LAMB4: variants seen among roughly 807,000 people sequenced by gnomAD.
The protein encoded by LAMB4 is laminin subunit beta-4.
LAMB4 carries 196 observed loss-of-function variants against 199.2 expected under a neutral mutation model. The observed-to-expected ratio is 0.98, with a 90% CI of 0.88 to 1.11. The LOEUF (loss-of-function observed/expected upper bound fraction) is 1.11, where lower values mean the gene tolerates loss of function less well. LAMB4 is among the 50% of genes least tolerant of loss of function. The pLI is 0.00. For synonymous variants in LAMB4, 744 were observed against 770.6 expected, an observed-to-expected ratio of 0.97 and a Z score of 0.57; for missense variants, 2,080 against 2,171.2, an observed-to-expected ratio of 0.96 and a Z score of 0.83.
intron 25 of LAMB4, among the ~76,000 whole-genome samples, chr7:108,055,187 GTT>G (rs371917253): frequency 0.021 from 2,936 of 138,444 alleles, 83 homozygotes; most frequent in African/African-American, 0.07. Flanking sequence ...ATTTCCAGCT[GTT>G]TTTTTTTTTT....
Position 108,111,931 on chromosome 7 carries a change from A to C in LAMB4, c.208T>G (p.Phe70Val), listed in dbSNP as rs1181962645. ...LSYLEGEQKC[F>V]ICDSRFPYDP... The stretch of plus-strand genomic sequence containing the variant: ...TATGGAAATCTAGAGTCACAGATGA[A>C]GCATTTTTGTTCCCCCTGGAAAACA... Residue 70 changes from phenylalanine to valine, a missense_variant, in exon 4 of 34, where the codon TTC becomes GTC. Transcript: ENST00000388781. 6.2e-7 allele frequency: 1 copy of C among 1,605,528 alleles called. No homozygotes were observed. The highest frequency in any genetic ancestry group is 1.1e-5 in the South Asian group (1 of 87,848).
intron 21 of LAMB4, 140 bp downstream of exon 21, chr7:108,065,622 G>T: frequency 1.8e-6 from 1 of 558,676 alleles, no homozygotes; most frequent in Non-Finnish European, 3.0e-6. Flanking sequence ...CAATAAAGCA[G>T]CTATTTATCA....
At chr7:108,026,801 C>G (rs900680498) in intron 33 of LAMB4, 6 of 462,136 alleles carry the variant, frequency 1.3e-5, no homozygotes, top group Non-Finnish European at 2.1e-5. Flanking sequence ...GCTCCTCTTC[C>G]TAACAGAGAG....
intron 4 of LAMB4, among the ~76,000 whole-genome samples, chr7:108,109,572 G>T (rs989268433): frequency 1.3e-5 from 2 of 152,184 alleles, no homozygotes; most frequent in Non-Finnish European, 2.9e-5. Context: ...TCATTTCCTT[G>T]TACTGAAATC....
Position 108,063,928 on chromosome 7 carries a change from G to T in LAMB4, c.2894C>A (p.Ala965Glu), listed in dbSNP as rs1391976893. ...GFYGNPRISG[A>E]PCQPCACNNN... ...GTTGCAGGCACATGGTTGGCAAGGTGCTCCTGAAATTCTTGGATTTCCATA... is the reference window on the plus strand; with the variant it reads ...GTTGCAGGCACATGGTTGGCAAGGTTCTCCTGAAATTCTTGGATTTCCATA... The change falls in exon 22 of 34, where the codon GCA becomes GAA. Residue 965 changes from alanine (A) to glutamate (E), a missense_variant. Coordinates refer to ENST00000388781, the MANE Select transcript of LAMB4 (RefSeq NM_007356.3). The T allele has an allele frequency of 6.2e-7, 1 of 1,614,150 alleles. No homozygotes were observed. Among genetic ancestry groups the T allele is most frequent in the East Asian group, 2.2e-5 (1 of 44,888 alleles).
intron 4 of LAMB4, among the ~76,000 whole-genome samples, chr7:108,110,459 G>T (rs1360780009): frequency 6.6e-6 from 1 of 152,188 alleles, no homozygotes; most frequent in Non-Finnish European, 1.5e-5. Flanking sequence ...GGACAGTATG[G>T]CTCCAGACGA....
At chr7:108,114,329 CT>C (rs2038336864) in intron 3 of LAMB4, among the ~76,000 whole-genome samples, 1 of 152,080 alleles carries the variant, frequency 6.6e-6, no homozygotes, top group Non-Finnish European at 1.5e-5. Context: ...GCCTCCCCTA[CT>C]TGGGAAGCTG....
chr7:108,110,141 G>T (rs2038168778), intron 4 of LAMB4, among the ~76,000 whole-genome samples: 1 of 152,146 alleles, frequency 6.6e-6, no homozygotes, highest in Non-Finnish European at 1.5e-5. Context: ...GGATTCTACT[G>T]CCTCAGCCTC....
At chr7:108,020,287 C>A (rs2034663520), downstream of LAMB4, among the ~76,000 whole-genome samples, 1 of 151,964 alleles carries the variant, frequency 6.6e-6, no homozygotes, top group Non-Finnish European at 1.5e-5. Flanking sequence ...GCCTGGCCAA[C>A]ATGGTGAAAC....
At position 108,104,650 on chromosome 7, in the gene LAMB4, G is replaced by A. The variant is rs1287283458; in HGVS notation, c.871-31C>T. 2.5e-6 allele frequency: 4 copies of A among 1,609,390 alleles called. No individual in the cohort carries two copies. In the African/African-American group the frequency reaches 5.3e-5, roughly 22 times the overall value. Reference sequence around the variant, plus strand: ...TTGTGCAATAAATAGAGCGTTGAAAGAGGGCTTGTCCTTGGGGACGTTGGG... The same window carrying A: ...TTGTGCAATAAATAGAGCGTTGAAAAAGGGCTTGTCCTTGGGGACGTTGGG... On this transcript the variant is annotated intron_variant, in intron 8 of 33. Coordinates refer to ENST00000388781, the MANE Select transcript of LAMB4 (RefSeq NM_007356.3).
chr7:108,109,275 G>C, intron 4 of LAMB4, 31 bp from the exon 5 acceptor site: 2 of 1,493,230 alleles, frequency 1.3e-6, no homozygotes, highest in Non-Finnish European at 1.9e-6. Context: ...AAGAAAATCA[G>C]TGATTTTGAG....
At chr7:108,047,741 C>G (rs1451868874) in intron 28 of LAMB4, among the ~76,000 whole-genome samples, 167 bp downstream of exon 28, 1 of 152,176 alleles carries the variant, frequency 6.6e-6, no homozygotes, top group African/African-American at 2.4e-5. Flanking sequence ...GTTTCTAAAT[C>G]TACATTCATA....
At chr7:108,024,743 G>GTCCGTCCA (rs1319604712) in intron 33 of LAMB4, among the ~76,000 whole-genome samples, 1 of 118,280 alleles carries the variant, frequency 8.5e-6, no homozygotes, top group African/African-American at 6.0e-5. Context: ...CCATCCATCC[G>GTCCGTCCA]TCCGTCCATC....
intron 32 of LAMB4, 64 bp from the exon 33 acceptor site, chr7:108,029,260 G>A (rs1410739797): frequency 3.5e-5 from 49 of 1,406,390 alleles, no homozygotes; most frequent in South Asian, 3.3e-4. Flanking sequence ...TATGCATGAT[G>A]ATTCTCCTAA....
chr7:108,123,939 G>A (rs1265661357), intron 1 of LAMB4, among the ~76,000 whole-genome samples: 1 of 152,170 alleles, frequency 6.6e-6, no homozygotes, highest in Non-Finnish European at 1.5e-5. Flanking sequence ...TACCATTGAA[G>A]AGAGTTCTGA....
chr7:108,125,372 C>T (rs1047216227), intron 1 of LAMB4, among the ~76,000 whole-genome samples: 2 of 152,166 alleles, frequency 1.3e-5, no homozygotes, highest in African/African-American at 4.8e-5. Flanking sequence ...TGCCCGTGTG[C>T]TTCATTCTGT....
intron 14 of LAMB4, among the ~76,000 whole-genome samples, chr7:108,085,496 T>C (rs933202448): frequency 3.9e-5 from 6 of 152,226 alleles, no homozygotes; most frequent in African/African-American, 1.4e-4. Flanking sequence ...TCTGACAAAC[T>C]GAGAGAAAGA....
chr7:108,064,071 T>C (rs112991981), intron 21 of LAMB4, 86 bp from the exon 22 acceptor site: 28 of 946,596 alleles, frequency 3.0e-5, no homozygotes, highest in South Asian at 1.1e-4. Flanking sequence ...TAGAAAATTA[T>C]TGGGCTCCTC....
Position 108,052,115 on chromosome 7 carries a change from G to A in LAMB4, c.3898C>T (p.Leu1300Phe). 1 of 1,609,336 alleles carries A rather than the reference G, an allele frequency of 6.2e-7. No individual in the cohort carries two copies. The highest frequency in any genetic ancestry group is 8.5e-7 in the Non-Finnish European group (1 of 1,178,162). The change falls in exon 26 of 34, where the codon CTT (leucine) becomes TTT (phenylalanine). Residue 1300 changes from leucine (L) to phenylalanine (F), a missense_variant. Leu to Phe is a conservative substitution (Grantham distance 22). Coordinates refer to ENST00000388781, the MANE Select transcript of LAMB4 (RefSeq NM_007356.3). ...CCCTTACCCGCAATGCTTGCATTAA[G>A]GACACTGGATTGCAAATCAATTTCT... Reference protein sequence around the residue: ...QEEIDLQSSVLNASIADSSEN... With the variant: ...QEEIDLQSSVFNASIADSSEN...
Sources: allele counts gnomAD v4.1 joint callset (sites outside exome capture counted in the v4.1 genomes callset), GRCh38; gene constraint gnomAD v4.1.1; transcripts MANE v1.5; gene names NCBI Gene and HGNC (gene_info 2026-07-23, HGNC 2026-07-21).